The following GAREM1 variants were observed in gnomAD, a reference collection of about 807,000 sequenced individuals.
The protein encoded by GAREM1 is GRB2-associated and regulator of MAPK protein 1.
Under a neutral mutation model 71.3 loss-of-function variants are expected in GAREM1, and 26 were observed. The observed-to-expected ratio is 0.36, with a 90% CI of 0.27 to 0.51. The LOEUF (loss-of-function observed/expected upper bound fraction) is 0.51. Among genes scored for constraint, GAREM1 ranks in the 20% least tolerant of loss-of-function variants. GAREM1 has a pLI of 0.95. For missense variants in GAREM1, 1,026 were observed against 1,103.1 expected, an observed-to-expected ratio of 0.93 and a Z score of 0.99; for synonymous variants, 440 against 433.2, an observed-to-expected ratio of 1.02 and a Z score of -0.20.
intron 1 of GAREM1, among the ~76,000 whole-genome samples, chr18:32,430,321 G>A (rs1331230628): frequency 6.6e-6 from 1 of 152,196 alleles, no homozygotes; most frequent in African/African-American, 2.4e-5. Flanking sequence ...GCTGTCCCTA[G>A]TAGTTTTAGA....
At chr18:32,356,535 T>C (rs1175909673) in intron 2 of GAREM1, among the ~76,000 whole-genome samples, 1 of 152,316 alleles carries the variant, frequency 6.6e-6, no homozygotes, top group East Asian at 1.9e-4. Context: ...CTGTTTAATG[T>C]CCTAAATACA....
Position 32,466,574 on chromosome 18 carries a change from A to G in GAREM1, c.121+3734T>C, listed in dbSNP as rs79686236. Among the ~76,000 whole-genome samples, 824 of 152,312 alleles carry G rather than the reference A, an allele frequency of 5.4e-3. 2 individuals are homozygous for G. The highest frequency in any genetic ancestry group is 9.4e-3 in the Non-Finnish European group (638 of 68,022). On this transcript the variant is annotated intron_variant, in intron 1 of 5. Coordinates refer to ENST00000269209, the MANE Select transcript of GAREM1 (RefSeq NM_001242409.2). ...GAGGCATAGAAGCAAAAAGGTTGTA[A>G]GAATGCTACTCTAACACAAGCCTTC...
intron 1 of GAREM1, among the ~76,000 whole-genome samples, chr18:32,402,673 G>C (rs553732703): frequency 4.6e-5 from 7 of 152,170 alleles, no homozygotes; most frequent in East Asian, 1.9e-4. Flanking sequence ...GATTCAATTA[G>C]TTGTAGACAA....
Position 32,470,545 on chromosome 18 carries a change from C to G in GAREM1, c.-117G>C. 2.7e-6 allele frequency: 2 copies of G among 751,174 alleles called. No homozygotes were observed. The highest frequency in any genetic ancestry group is 3.2e-6 in the Non-Finnish European group (2 of 618,200). 46.5% of individuals were successfully genotyped at this position (751,174 alleles called of 1,614,324 possible). ...GGGGCGCGCGGGAGGCGCCGGGCAG[C>G]TCCGGCCGCGGGCAGCCGGGGGGGC... is the stretch of plus-strand genomic sequence containing the variant. On this transcript the variant is annotated 5_prime_UTR_variant, in exon 1 of 6. Transcript: ENST00000269209. The surrounding 1 kb of genome is among the most constrained non-coding windows in gnomAD (Gnocchi z 4.4).
intron 2 of GAREM1, among the ~76,000 whole-genome samples, chr18:32,371,406 A>G (rs2047978000): frequency 6.6e-6 from 1 of 152,214 alleles, no homozygotes; most frequent in South Asian, 2.1e-4. Context: ...AGGCAGTTAA[A>G]AGGCCCCTAT....
intron 1 of GAREM1, among the ~76,000 whole-genome samples, chr18:32,458,795 T>C (rs946798180): frequency 1.3e-5 from 2 of 152,098 alleles, no homozygotes; most frequent in African/African-American, 2.4e-5. Flanking sequence ...AAAAGAACTA[T>C]GATATTCAAT....
chr18:32,464,014 G>A (rs1483814754), intron 1 of GAREM1, among the ~76,000 whole-genome samples: 5 of 149,740 alleles, frequency 3.3e-5, no homozygotes, highest in Admixed American at 2.0e-4. Context: ...AAGGCTGGGC[G>A]TGGTGGCTCA....
intron 1 of GAREM1, among the ~76,000 whole-genome samples, chr18:32,407,565 T>G (rs1225643326): frequency 6.6e-6 from 1 of 152,244 alleles, no homozygotes; most frequent in Non-Finnish European, 1.5e-5. Flanking sequence ...TTTCTTCTAC[T>G]TGCCTAATAG....
intron 4 of GAREM1, among the ~76,000 whole-genome samples, chr18:32,272,973 C>CT (rs1347725936): frequency 6.6e-6 from 1 of 152,180 alleles, no homozygotes; most frequent in Non-Finnish European, 1.5e-5. Context: ...TTCCTTCTGT[C>CT]TTGTTAGTGA....
chr18:32,376,859 C>A (rs2048035017), intron 2 of GAREM1, among the ~76,000 whole-genome samples: 1 of 151,958 alleles, frequency 6.6e-6, no homozygotes, highest in Non-Finnish European at 1.5e-5. Context: ...AAAAACAAAT[C>A]AACAAACAAA....
At position 32,377,322 on chromosome 18, in the gene GAREM1, G is replaced by A. The variant is rs568306891; in HGVS notation, c.262+15573C>T. 2.6e-5 allele frequency among the ~76,000 whole-genome samples: 4 copies of A among 152,198 alleles called. No homozygotes were observed. In the East Asian group the frequency reaches 7.7e-4, roughly 29 times the overall value. On this transcript the variant is annotated intron_variant, in intron 2 of 5. Coordinates refer to ENST00000269209, the MANE Select transcript of GAREM1 (RefSeq NM_001242409.2). ...AAGAAGGGGATGAACTTGAGTCTCC[G>A]CCAGGCATCACAGAGAACGTGTTCC...
At chr18:32,320,402 A>C (rs1164770837) in intron 2 of GAREM1, among the ~76,000 whole-genome samples, 2 of 152,190 alleles carry the variant, frequency 1.3e-5, no homozygotes, top group Non-Finnish European at 2.9e-5. Flanking sequence ...CCTATTTTAA[A>C]ATCTGATTCC....
At chr18:32,304,703 AC>A (rs1262974741) in intron 3 of GAREM1, among the ~76,000 whole-genome samples, 1 of 152,094 alleles carries the variant, frequency 6.6e-6, no homozygotes, top group African/African-American at 2.4e-5. Flanking sequence ...GGGTAGTATC[AC>A]CTCCATTTTG....
At chr18:32,275,027 T>G (rs1402968986) in intron 4 of GAREM1, among the ~76,000 whole-genome samples, 2 of 151,756 alleles carry the variant, frequency 1.3e-5, no homozygotes, top group Non-Finnish European at 2.9e-5. Context: ...TATGTGGAAA[T>G]TATTACTGAC....
At chr18:32,408,597 G>T (rs2048387164) in intron 1 of GAREM1, among the ~76,000 whole-genome samples, 1 of 152,130 alleles carries the variant, frequency 6.6e-6, no homozygotes, top group Non-Finnish European at 1.5e-5. Context: ...GAAAGCCACT[G>T]CACAGACTGT....
intron 1 of GAREM1, among the ~76,000 whole-genome samples, chr18:32,436,272 A>T (rs992186228): frequency 6.6e-6 from 1 of 152,140 alleles, no homozygotes; most frequent in African/African-American, 2.4e-5. Context: ...CAACCTGTGG[A>T]CCTCTGAAGG....
chr18:32,457,965 A>G (rs1472631411), intron 1 of GAREM1, among the ~76,000 whole-genome samples: 1 of 152,090 alleles, frequency 6.6e-6, no homozygotes, highest in Admixed American at 6.5e-5. Flanking sequence ...TATTCAATAG[A>G]AAAAATGAAA....
intron 2 of GAREM1, among the ~76,000 whole-genome samples, chr18:32,325,942 A>T (rs2047471129): frequency 6.6e-6 from 1 of 152,198 alleles, no homozygotes; most frequent in Non-Finnish European, 1.5e-5. Flanking sequence ...GTCAGAGAGA[A>T]GTTTAAGTTT....
intron 4 of GAREM1, 112 bp from the exon 5 acceptor site, chr18:32,270,495 G>A: frequency 2.4e-6 from 2 of 846,032 alleles, no homozygotes; most frequent in Non-Finnish European, 3.6e-6. Context: ...ACAGCAGGGT[G>A]TAAGCATGGC....
Sources: allele counts gnomAD v4.1 joint callset (sites outside exome capture counted in the v4.1 genomes callset), GRCh38; gene constraint gnomAD v4.1.1; non-coding constraint Gnocchi (gnomAD v3.1); transcripts MANE v1.5; gene names NCBI Gene and HGNC (gene_info 2026-07-23, HGNC 2026-07-21).